Variants in LRRC4C observed in about 807,000 individuals in gnomAD.
LRRC4C encodes the protein leucine-rich repeat-containing protein 4C.
A neutral mutation model predicts 33.6 loss-of-function variants in LRRC4C; 5 were observed. That is an observed-to-expected ratio of 0.15 (90% CI 0.08 to 0.31). The LOEUF is 0.31. LRRC4C is among the 10% of genes least tolerant of loss of function. The probability of loss-of-function intolerance (pLI) is 1.00; values close to 1 mark genes in which losing one functional copy is unlikely to be tolerated. For missense variants in LRRC4C, 560 were observed against 796.7 expected, an observed-to-expected ratio of 0.70 and a Z score of 3.58; for synonymous variants, 329 against 302.0, an observed-to-expected ratio of 1.09 and a Z score of -0.93.
intron 1 of LRRC4C, among the ~76,000 whole-genome samples, chr11:41,146,371 C>A (rs2135938589): frequency 6.6e-6 from 1 of 152,310 alleles, no homozygotes; most frequent in Middle Eastern, 3.4e-3. Flanking sequence ...CAGGTTCATT[C>A]CCTCTCATTG....
At position 40,936,038 on chromosome 11, in the gene LRRC4C, ATATATATATATATATATATATATATAT is replaced by A. The variant is rs1565219263; in HGVS notation, c.-495-2342_-495-2316del. ...TTTATATATATATATATATATATATATATATATATATATATATATATATATATAACATAGTTTGAACCTTAACTCTGT... is the reference window on the plus strand; with the variant it reads ...TTTATATATATATATATATATATATAAACATAGTTTGAACCTTAACTCTGT... On this transcript the variant is annotated intron_variant, in intron 1 of 6. Transcript: ENST00000528697. Among the ~76,000 whole-genome samples the A allele has an allele frequency of 4.8e-4, 31 of 64,954 alleles. 1 individual carries two copies. The highest frequency in any genetic ancestry group is 9.4e-3 in the Middle Eastern group (1 of 106). 42.6% of individuals were successfully genotyped at this position (64,954 alleles called of 152,430 possible).
At chr11:40,143,050 C>T (rs1009015670) in intron 5 of LRRC4C, among the ~76,000 whole-genome samples, 6 of 152,128 alleles carry the variant, frequency 3.9e-5, no homozygotes, top group African/African-American at 7.2e-5. Context: ...TACCTTGAAA[C>T]GTTTTTTTGG....
intron 5 of LRRC4C, among the ~76,000 whole-genome samples, chr11:40,230,384 T>TA (rs1379335217): frequency 6.6e-6 from 1 of 152,150 alleles, no homozygotes; most frequent in Non-Finnish European, 1.5e-5. Context: ...ATTTGGGGTA[T>TA]AAGGGGTGTG....
chr11:41,047,257 C>T lies in LRRC4C; in HGVS notation c.-495-113534G>A, dbSNP rs187749709. The stretch of plus-strand genomic sequence containing the variant: ...AATAAGCATATAAAAAGATGCTCAA[C>T]ATCATTATTCATTAGAAAAATTCCA... On this transcript the variant is annotated intron_variant, in intron 1 of 6. Transcript: ENST00000528697. Among the ~76,000 whole-genome samples, 116 of 152,190 alleles carry T rather than the reference C, an allele frequency of 7.6e-4. 1 individual carries two copies. The highest frequency in any genetic ancestry group is 1.6e-3 in the Admixed American group (25 of 15,292).
At chr11:40,245,208 C>A (rs528130736) in intron 4 of LRRC4C, among the ~76,000 whole-genome samples, 4 of 152,118 alleles carry the variant, frequency 2.6e-5, no homozygotes, top group African/African-American at 9.7e-5. Flanking sequence ...TGACTTAATT[C>A]TCACCCAAGT....
intron 2 of LRRC4C, among the ~76,000 whole-genome samples, chr11:40,750,933 A>T (rs1948662144): frequency 6.6e-6 from 1 of 152,282 alleles, no homozygotes; most frequent in Non-Finnish European, 1.5e-5. Flanking sequence ...GACAAGTGGT[A>T]TTTACATCAT....
intron 5 of LRRC4C, among the ~76,000 whole-genome samples, chr11:40,194,255 C>G (rs1862070966): frequency 6.6e-6 from 1 of 152,224 alleles, no homozygotes; most frequent in South Asian, 2.1e-4. Flanking sequence ...AACAGCAGAT[C>G]TCTCTGCAGA....
intron 2 of LRRC4C, among the ~76,000 whole-genome samples, chr11:40,830,547 A>G (rs1278505111): frequency 4.6e-5 from 7 of 152,094 alleles, no homozygotes; most frequent in Non-Finnish European, 1.0e-4. Flanking sequence ...TGAGTTAAAC[A>G]GTTAATAAGT....
chr11:40,754,086 C>G (rs1948823941), intron 2 of LRRC4C, among the ~76,000 whole-genome samples: 1 of 151,818 alleles, frequency 6.6e-6, no homozygotes, highest in African/African-American at 2.4e-5. Flanking sequence ...AGTTGATTTT[C>G]TTTGGGTTTC....
intron 1 of LRRC4C, among the ~76,000 whole-genome samples, chr11:41,032,723 G>T (rs1488548740): frequency 1.3e-5 from 2 of 151,528 alleles, no homozygotes; most frequent in African/African-American, 4.8e-5. Context: ...CTGAAAAAAG[G>T]GGGAAAAAAA....
At chr11:41,057,205 C>T (rs138440497) in intron 1 of LRRC4C, among the ~76,000 whole-genome samples, 1 of 152,316 alleles carries the variant, frequency 6.6e-6, no homozygotes, top group East Asian at 1.9e-4. Context: ...TGTGCCCGCT[C>T]TAATCCTGTA....
intron 3 of LRRC4C, among the ~76,000 whole-genome samples, chr11:40,424,226 A>G (rs1196439875): frequency 6.6e-6 from 1 of 152,156 alleles, no homozygotes; most frequent in African/African-American, 2.4e-5. Flanking sequence ...TACCTCTTTC[A>G]AGACTGGTAC....
chr11:40,938,300 G>A (rs1241405531), intron 1 of LRRC4C, among the ~76,000 whole-genome samples: 1 of 152,036 alleles, frequency 6.6e-6, no homozygotes, highest in East Asian at 1.9e-4. Context: ...CAATGATTCT[G>A]TACTGTCACA....
intron 2 of LRRC4C, among the ~76,000 whole-genome samples, chr11:40,731,176 G>C (rs200401311): frequency 3.8e-4 from 58 of 151,706 alleles, no homozygotes; most frequent in African/African-American, 1.4e-3. Flanking sequence ...AAAATTAGCC[G>C]GGCGTGGTGG....
chr11:41,339,538 C>T (rs1951563092), intron 1 of LRRC4C, among the ~76,000 whole-genome samples: 1 of 152,124 alleles, frequency 6.6e-6, no homozygotes, highest in Non-Finnish European at 1.5e-5. Flanking sequence ...AAAAAACATC[C>T]CTCTCCTGTC....
Position 40,255,362 on chromosome 11 carries a change from A to T in LRRC4C, c.-175-13764T>A, listed in dbSNP as rs1407160823. 2.6e-5 allele frequency among the ~76,000 whole-genome samples: 4 copies of T among 152,194 alleles called. No homozygotes were observed. The East Asian group carries it at 7.7e-4, about 29-fold the overall frequency. ...AGCAAGCCTGACATGTTTGAGAAAC[A>T]CTGGAAATTTCCTGAAACTTTCATG... On this transcript the variant is annotated intron_variant, in intron 4 of 6. Transcript: ENST00000528697.
intron 6 of LRRC4C, among the ~76,000 whole-genome samples, chr11:40,120,373 C>G (rs200409184): frequency 6.6e-6 from 1 of 152,102 alleles, no homozygotes; most frequent in East Asian, 1.9e-4. Context: ...TAAATATGGC[C>G]TTAAATAACT....
intron 3 of LRRC4C, among the ~76,000 whole-genome samples, chr11:40,358,868 A>C (rs1947811737): frequency 6.6e-6 from 1 of 151,912 alleles, no homozygotes; most frequent in African/African-American, 2.4e-5. Context: ...TCATTTATTT[A>C]TTTATTTATT....
intron 1 of LRRC4C, among the ~76,000 whole-genome samples, chr11:41,127,506 G>A (rs1273158951): frequency 6.6e-6 from 1 of 151,856 alleles, no homozygotes; most frequent in Non-Finnish European, 1.5e-5. Flanking sequence ...TCTGAAATGG[G>A]CATAAGATGA....
Sources: gnomAD v4.1 joint callset for allele counts (sites outside exome capture counted in the v4.1 genomes callset) on GRCh38, gnomAD v4.1.1 for gene constraint, MANE v1.5 for transcripts, NCBI Gene and HGNC (gene_info 2026-07-23, HGNC 2026-07-21) for gene names.